The following PDE9A variants were observed in gnomAD, a reference collection of about 807,000 sequenced individuals.
PDE9A encodes phosphodiesterase 9A.
Under a neutral mutation model 87.4 loss-of-function variants are expected in PDE9A, and 60 were observed. The ratio of observed to expected loss-of-function variants is 0.69; its 90% confidence interval spans 0.56 to 0.85. The LOEUF is 0.85. Ranked by LOEUF, PDE9A falls within the 40% of genes least tolerant of loss-of-function variation. PDE9A has a pLI of 0.00. For synonymous variants in PDE9A, 272 were observed against 279.4 expected, an observed-to-expected ratio of 0.97 and a Z score of 0.27; for missense variants, 665 against 779.0, an observed-to-expected ratio of 0.85 and a Z score of 1.74.
chr21:42,720,651 G>A (rs1000620156), intron 4 of PDE9A, among the ~76,000 whole-genome samples: 5 of 152,118 alleles, frequency 3.3e-5, no homozygotes, highest in Admixed American at 1.3e-4. Context: ...AGGGCAGGTC[G>A]GGCTTGACGA....
chr21:42,735,961 C>G (rs1024004477), intron 7 of PDE9A, among the ~76,000 whole-genome samples: 1 of 152,104 alleles, frequency 6.6e-6, no homozygotes, highest in Non-Finnish European at 1.5e-5. Flanking sequence ...GGGTTTGAGC[C>G]AAAGCATGCA....
intron 1 of PDE9A, among the ~76,000 whole-genome samples, chr21:42,670,222 CAT>C (rs1011360099): frequency 1.3e-4 from 15 of 114,734 alleles, no homozygotes; most frequent in East Asian, 4.9e-4. Flanking sequence ...CATTCACACA[CAT>C]ACACTTACAT....
rs2054373224 is a variant in PDE9A at position 42,751,149 on chromosome 21, T to C, written c.687T>C (p.Asp229=). 1 of 1,613,018 alleles carries C rather than the reference T, an allele frequency of 6.2e-7. No individual in the cohort carries two copies. Residue 229 remains aspartate, a synonymous_variant, in exon 9 of 20, where the codon GAT becomes GAC. Transcript: ENST00000291539. ...GCCCCTGTAAGTACAGTTTTTTGGA[T>C]AACCACAAGAAGTTGACTCCTCGAC... ...TNCPCKYSFL[D]NHKKLTPRRD... is the part of the protein sequence containing the mutation.
In PDE9A at chr21:42,693,299, C is replaced by CTT. The variant is rs10714757; in HGVS notation, c.218+5321_218+5322dup. Among the ~76,000 whole-genome samples the CTT allele has an allele frequency of 4.1e-3, 553 of 133,346 alleles. 3 individuals carry two copies. The highest frequency in any genetic ancestry group is 6.3e-3 in the Non-Finnish European group (397 of 62,660). 87.5% of individuals were successfully genotyped at this position (133,346 alleles called of 152,430 possible). ...CTGCAGATTGCAACCACCCAGGAAT[C>CTT]TTTTTTTTTTTTTTTTTGAGACGGA... On this transcript the variant is annotated intron_variant, in intron 3 of 19. Transcript: ENST00000291539.
At chr21:42,682,797 G>A (rs950506812) in intron 1 of PDE9A, among the ~76,000 whole-genome samples, 2 of 152,326 alleles carry the variant, frequency 1.3e-5, no homozygotes, top group Admixed American at 1.3e-4. Flanking sequence ...TCACAGCCCA[G>A]CAAATGAGCG....
At chr21:42,755,669 TC>T (rs2147043136) in intron 10 of PDE9A, among the ~76,000 whole-genome samples, 1 of 152,218 alleles carries the variant, frequency 6.6e-6, no homozygotes, top group South Asian at 2.1e-4. Flanking sequence ...CTGCAGCAGC[TC>T]CCAGGGTCCC....
chr21:42,690,248 T>C (rs559969930), intron 3 of PDE9A, among the ~76,000 whole-genome samples: 11 of 148,562 alleles, frequency 7.4e-5, no homozygotes, highest in South Asian at 4.3e-4. Flanking sequence ...GTGGAGAAGA[T>C]GGGGTTAGAC....
chr21:42,773,889 GGTC>G (rs2057272570), intron 19 of PDE9A, among the ~76,000 whole-genome samples: 1 of 148,868 alleles, frequency 6.7e-6, no homozygotes, highest in Non-Finnish European at 1.5e-5. Context: ...CGGATCACAA[GGTC>G]AGGAGATCGA....
At chr21:42,703,415 A>G (rs2048542687) in intron 4 of PDE9A, among the ~76,000 whole-genome samples, 1 of 152,228 alleles carries the variant, frequency 6.6e-6, no homozygotes, top group Non-Finnish European at 1.5e-5. Context: ...ACAGGACACC[A>G]TCGGGAGCAG....
At chr21:42,712,372 G>A (rs1422101691) in intron 4 of PDE9A, among the ~76,000 whole-genome samples, 2 of 152,104 alleles carry the variant, frequency 1.3e-5, no homozygotes, top group African/African-American at 4.8e-5. Context: ...TGTTGGCGTT[G>A]GATCCTGTGA....
intron 1 of PDE9A, among the ~76,000 whole-genome samples, chr21:42,679,123 T>G (rs1042386674): frequency 6.6e-6 from 1 of 152,122 alleles, no homozygotes; most frequent in Non-Finnish European, 1.5e-5. Context: ...CAGGACACAT[T>G]CACCAAGGTG....
intron 1 of PDE9A, among the ~76,000 whole-genome samples, chr21:42,667,581 C>T (rs181337461): frequency 2.8e-4 from 42 of 152,246 alleles, no homozygotes; most frequent in African/African-American, 9.9e-4. Flanking sequence ...AGCACTTGGC[C>T]TGCTTCTCAG....
At chr21:42,733,601 T>A in intron 7 of PDE9A, 175 bp downstream of exon 7, 1 of 593,882 alleles carries the variant, frequency 1.7e-6, no homozygotes, top group Non-Finnish European at 3.0e-6. Flanking sequence ...AGTGACTAAC[T>A]AAGCATTTTA....
Position 42,696,055 on chromosome 21 carries a change from C to T in PDE9A, c.219-2913C>T, listed in dbSNP as rs2060125232. Among the ~76,000 whole-genome samples, 1 of 152,202 alleles carries T rather than the reference C, an allele frequency of 6.6e-6. No homozygotes were observed. The highest frequency in any genetic ancestry group is 1.5e-5 in the Non-Finnish European group (1 of 68,036). On this transcript the variant is annotated intron_variant, in intron 3 of 19. Transcript: ENST00000291539. The surrounding 1 kb of genome is among the most constrained non-coding windows in gnomAD (Gnocchi z 5.1). ...TCCCTCTGTTGCTGATGTGATGGCT[C>T]CTGCCCTCAGCTTACCAGACTCCTC... is the stretch of plus-strand genomic sequence containing the variant.
chr21:42,692,805 C>G lies in PDE9A; in HGVS notation c.218+4811C>G, dbSNP rs2059926287. ...TTCTCCCCTCTTCCTCTCCTCCACT[C>G]GGTGCCTGGTGACATGCGGCCATCC... is the stretch of plus-strand genomic sequence containing the variant. On this transcript the variant is annotated intron_variant, in intron 3 of 19. Transcript: ENST00000291539. This position sits in a 1 kb window ranked among gnomAD's most constrained non-coding sequence, Gnocchi z 4.3. 6.6e-6 allele frequency among the ~76,000 whole-genome samples: 1 copy of G among 152,210 alleles called. No homozygotes were observed.
Position 42,694,010 on chromosome 21 carries a change from A to C in PDE9A, c.219-4958A>C, listed in dbSNP as rs115506913. On this transcript the variant is annotated intron_variant, in intron 3 of 19. Coordinates refer to ENST00000291539, the MANE Select transcript of PDE9A (RefSeq NM_002606.3). The surrounding 1 kb of genome is among the most constrained non-coding windows in gnomAD (Gnocchi z 5.3). ...AGTGATTCCAGCACACAGTCTGGGG[A>C]CTAACCGCTGATATAAGGTCTGGAA... 1.3e-5 allele frequency among the ~76,000 whole-genome samples: 2 copies of C among 151,842 alleles called. No homozygotes were observed. The highest frequency in any genetic ancestry group is 2.9e-5 in the Non-Finnish European group (2 of 67,970).
rs751128060 is a variant in PDE9A at position 42,775,300 on chromosome 21, C to CG, written c.*13dup. The CG allele has an allele frequency of 8.7e-6, 14 of 1,609,192 alleles. No homozygotes were observed. Among genetic ancestry groups the CG allele is most frequent in the East Asian group, 6.7e-5 (3 of 44,550 alleles). ...TCCAGGAGACTGTGCCTGAGGAAAG[C>CG]GGGGGGCGTGGCTGCAGTTCTGGAC... is the stretch of plus-strand genomic sequence containing the variant. On this transcript the variant is annotated 3_prime_UTR_variant, in exon 20 of 20. Coordinates refer to ENST00000291539, the MANE Select transcript of PDE9A (RefSeq NM_002606.3).
At chr21:42,684,972 AATCTT>A (rs1415529634) in intron 1 of PDE9A, among the ~76,000 whole-genome samples, 2 of 138,626 alleles carry the variant, frequency 1.4e-5, no homozygotes, top group East Asian at 2.1e-4. Flanking sequence ...AAAGAAAACT[AATCTT>A]AGCTTAAAAA....
At chr21:42,733,700 T>C (rs968042533) in intron 7 of PDE9A, 24 of 461,588 alleles carry the variant, frequency 5.2e-5, no homozygotes, top group African/African-American at 4.1e-4. Context: ...CTTCCGCACT[T>C]AGCCCCTCTG....
Sources: gnomAD v4.1 joint callset for allele counts (sites outside exome capture counted in the v4.1 genomes callset) on GRCh38, gnomAD v4.1.1 for gene constraint, Gnocchi (gnomAD v3.1) non-coding constraint, MANE v1.5 for transcripts, NCBI Gene and HGNC (gene_info 2026-07-23, HGNC 2026-07-21) for gene names.